RABGAP1L: variants seen among roughly 807,000 people sequenced by gnomAD.
The protein encoded by RABGAP1L is RAB GTPase activating protein 1 like.
A neutral mutation model predicts 137.7 loss-of-function variants in RABGAP1L; 63 were observed. That is an observed-to-expected ratio of 0.46 (90% CI 0.37 to 0.56). RABGAP1L has a LOEUF of 0.56. Ranked by LOEUF, RABGAP1L falls within the 20% of genes least tolerant of loss-of-function variation. The pLI is 0.00. For missense variants in RABGAP1L, 1,095 were observed against 1,244.0 expected (o/e 0.88, Z 1.80); for synonymous variants, 431 against 433.7 (o/e 0.99, Z 0.08).
At chr1:174,621,852 T>C (rs1672508175) in intron 13 of RABGAP1L, among the ~76,000 whole-genome samples, 1 of 152,092 alleles carries the variant, frequency 6.6e-6, no homozygotes, top group South Asian at 2.1e-4. Context: ...AATTGACAAA[T>C]GGGATCTAAT....
intron 1 of RABGAP1L, among the ~76,000 whole-genome samples, chr1:174,194,070 C>T (rs1174819808): frequency 2.0e-5 from 3 of 152,090 alleles, no homozygotes; most frequent in Admixed American, 6.6e-5. Context: ...CAAAACCAGG[C>T]ATTCTTAGTG....
At chr1:174,675,185 A>T (rs1185740760) in intron 14 of RABGAP1L, among the ~76,000 whole-genome samples, 2 of 152,252 alleles carry the variant, frequency 1.3e-5, no homozygotes, top group African/African-American at 2.4e-5. Flanking sequence ...CTGAATGGTA[A>T]TGCCTAGGTT....
chr1:174,849,677 G>A (rs1647906143), intron 19 of RABGAP1L: 1 of 416,032 alleles, frequency 2.4e-6, no homozygotes. Context: ...TCTTCATTTT[G>A]ATTGTATTGC....
chr1:174,321,692 T>C (rs1680008438), intron 11 of RABGAP1L, among the ~76,000 whole-genome samples: 1 of 152,232 alleles, frequency 6.6e-6, no homozygotes, highest in African/African-American at 2.4e-5. Flanking sequence ...GGGTTGAAAT[T>C]ACCAAGCTAC....
At chr1:174,974,787 C>G (rs150114452) in intron 21 of RABGAP1L, among the ~76,000 whole-genome samples, 147 of 152,338 alleles carry the variant, frequency 9.6e-4, no homozygotes, top group African/African-American at 3.4e-3. Flanking sequence ...CACCAGCAGA[C>G]TGTGCTGGCC....
chr1:174,793,733 T>C (rs1293702229), intron 18 of RABGAP1L, among the ~76,000 whole-genome samples: 1 of 151,972 alleles, frequency 6.6e-6, no homozygotes, highest in East Asian at 1.9e-4. Context: ...TTTCACTGTG[T>C]CACCCAGGCT....
At chr1:174,561,254 T>G (rs928885926) in intron 13 of RABGAP1L, among the ~76,000 whole-genome samples, 2 of 152,176 alleles carry the variant, frequency 1.3e-5, no homozygotes, top group African/African-American at 4.8e-5. Flanking sequence ...GAACTCCCAT[T>G]CACAATTGCT....
chr1:174,604,540 G>A (rs912088343), intron 13 of RABGAP1L, among the ~76,000 whole-genome samples: 2 of 152,286 alleles, frequency 1.3e-5, no homozygotes, highest in South Asian at 2.1e-4. Flanking sequence ...TTCTCATGAA[G>A]GTGCTTCATT....
intron 19 of RABGAP1L, among the ~76,000 whole-genome samples, chr1:174,948,242 T>C (rs1431055777): frequency 6.6e-6 from 1 of 152,038 alleles, no homozygotes; most frequent in African/African-American, 2.4e-5. Flanking sequence ...ATAATTGGGC[T>C]GGGTGCAGTG....
At chr1:174,223,412 C>T (rs1179476175) in intron 3 of RABGAP1L, among the ~76,000 whole-genome samples, 9 of 124,472 alleles carry the variant, frequency 7.2e-5, no homozygotes, top group South Asian at 5.4e-4. Context: ...CACTGCACTC[C>T]AACCTGGGCA....
chr1:174,761,598 G>A lies in RABGAP1L; in HGVS notation c.2211+9244G>A, dbSNP rs1156880152. 6.6e-6 allele frequency among the ~76,000 whole-genome samples: 1 copy of A among 152,176 alleles called. No homozygotes were observed. The highest frequency in any genetic ancestry group is 6.5e-5 in the Admixed American group (1 of 15,280). On this transcript the variant is annotated intron_variant, in intron 18 of 25. Transcript: ENST00000681986. This position sits in a 1 kb window ranked among gnomAD's most constrained non-coding sequence, Gnocchi z 4.0. ...TCCTCATTTTTCAGACGGTGCGGCC[G>A]CCAGGCAGAGGCACTCCTCACTTCC...
At chr1:174,279,855 C>A (rs933735283) in intron 10 of RABGAP1L, among the ~76,000 whole-genome samples, 10 of 151,984 alleles carry the variant, frequency 6.6e-5, no homozygotes, top group African/African-American at 2.4e-4. Context: ...TTAGTTATGA[C>A]TATCCAATAA....
chr1:174,448,223 G>T lies in RABGAP1L; in HGVS notation c.1710+54078G>T. ...TGGATTTGGCCACTACAGTGTGGTGGATGTCTGCATCTTCGAGACAGTGGT... is the reference window on the plus strand; with the variant it reads ...TGGATTTGGCCACTACAGTGTGGTGTATGTCTGCATCTTCGAGACAGTGGT... On this transcript the variant is annotated intron_variant, in intron 13 of 25. Transcript: ENST00000681986. The surrounding 1 kb of genome is among the most constrained non-coding windows in gnomAD (Gnocchi z 4.2). 6.2e-7 allele frequency: 1 copy of T among 1,614,060 alleles called. No individual in the cohort carries two copies. The highest frequency in any genetic ancestry group is 8.5e-7 in the Non-Finnish European group (1 of 1,179,964).
chr1:174,258,477 G>A (rs1673305786), intron 7 of RABGAP1L, among the ~76,000 whole-genome samples: 1 of 152,018 alleles, frequency 6.6e-6, no homozygotes, highest in African/African-American at 2.4e-5. Context: ...TTGGAGAGAT[G>A]GGGGTCTCCC....
At chr1:174,324,746 G>T (rs559017647) in intron 11 of RABGAP1L, among the ~76,000 whole-genome samples, 1 of 152,292 alleles carries the variant, frequency 6.6e-6, no homozygotes, top group East Asian at 1.9e-4. Context: ...ATGACAATAT[G>T]AGAGCCAAGA....
At chr1:174,511,807 A>G (rs1163375427) in intron 13 of RABGAP1L, among the ~76,000 whole-genome samples, 1 of 151,936 alleles carries the variant, frequency 6.6e-6, no homozygotes, top group East Asian at 1.9e-4. Context: ...TTTTTAGTAG[A>G]GACGGGGTTT....
intron 13 of RABGAP1L, among the ~76,000 whole-genome samples, chr1:174,601,257 G>A (rs1670390047): frequency 6.6e-6 from 1 of 152,224 alleles, no homozygotes; most frequent in South Asian, 2.1e-4. Context: ...GGGCCTCCAG[G>A]CCTGTGATGG....
At chr1:174,618,785 A>T (rs1047145238) in intron 13 of RABGAP1L, among the ~76,000 whole-genome samples, 1 of 152,232 alleles carries the variant, frequency 6.6e-6, no homozygotes, top group Non-Finnish European at 1.5e-5. Context: ...ACTAAGCTGG[A>T]TGGAGAATGA....
intron 19 of RABGAP1L, among the ~76,000 whole-genome samples, chr1:174,858,048 G>A (rs373922027): frequency 6.6e-6 from 1 of 152,034 alleles, no homozygotes; most frequent in Non-Finnish European, 1.5e-5. Flanking sequence ...TTTAGGCAGG[G>A]TCTCACTTTG....
Sources: gnomAD v4.1 joint callset for allele counts (sites outside exome capture counted in the v4.1 genomes callset) on GRCh38, gnomAD v4.1.1 for gene constraint, Gnocchi (gnomAD v3.1) non-coding constraint, MANE v1.5 for transcripts, NCBI Gene and HGNC (gene_info 2026-07-23, HGNC 2026-07-21) for gene names.